The following ALK variants were observed in gnomAD, a reference collection of about 807,000 sequenced individuals.
ALK encodes ALK receptor tyrosine kinase, also known as ALK tyrosine kinase receptor.
In ALK, 74 loss-of-function variants were observed where a neutral mutation model predicts 163.1. The observed-to-expected ratio is 0.45, with a 90% CI of 0.38 to 0.55. ALK has a LOEUF of 0.55. ALK is among the 20% of genes least tolerant of loss of function. ALK has a pLI of 0.00. For missense variants in ALK, 2,063 were observed against 2,105.3 expected (o/e 0.98, Z 0.39); for synonymous variants, 960 against 843.2 (o/e 1.14, Z -2.40).
At chr2:29,259,137 C>A (rs1288460984) in intron 11 of ALK, among the ~76,000 whole-genome samples, 4 of 152,128 alleles carry the variant, frequency 2.6e-5, no homozygotes, top group African/African-American at 9.7e-5. Context: ...CTCTCAGAAA[C>A]ACATGTGATA....
intron 1 of ALK, among the ~76,000 whole-genome samples, chr2:29,738,349 T>G (rs543775275): frequency 6.6e-6 from 1 of 152,198 alleles, no homozygotes; most frequent in South Asian, 2.1e-4. Flanking sequence ...TGCAGAAGAA[T>G]CATGCTCATG....
chr2:29,318,570 T>C (rs1666904231), intron 7 of ALK, among the ~76,000 whole-genome samples, 166 bp from the exon 8 acceptor site: 1 of 102,842 alleles, frequency 9.7e-6, no homozygotes, highest in Admixed American at 9.3e-5. Context: ...CAACAATTTC[T>C]TTTTTTTTTT....
intron 5 of ALK, among the ~76,000 whole-genome samples, chr2:29,361,725 T>C (rs925963693): frequency 1.3e-5 from 2 of 152,180 alleles, no homozygotes; most frequent in African/African-American, 4.8e-5. Flanking sequence ...CTCCCAGGAC[T>C]TCTGCTTTGG....
At chr2:29,727,087 C>T (rs1679596078) in intron 1 of ALK, among the ~76,000 whole-genome samples, 2 of 152,194 alleles carry the variant, frequency 1.3e-5, no homozygotes, top group South Asian at 2.1e-4. Flanking sequence ...TTTGGGTCAA[C>T]CAGGAAGTCG....
intron 1 of ALK, among the ~76,000 whole-genome samples, chr2:29,902,171 T>C (rs531604459): frequency 1.3e-5 from 2 of 152,092 alleles, no homozygotes; most frequent in Admixed American, 1.3e-4. Flanking sequence ...CTGCTTGGAG[T>C]TGGGCTATCA....
intron 11 of ALK, among the ~76,000 whole-genome samples, chr2:29,274,689 G>A (rs917831529): frequency 6.6e-6 from 1 of 152,202 alleles, no homozygotes; most frequent in African/African-American, 2.4e-5. Flanking sequence ...ACCCATGATG[G>A]GGTAGCCTAC....
intron 3 of ALK, among the ~76,000 whole-genome samples, chr2:29,569,279 T>C (rs1674285481): frequency 7.8e-6 from 1 of 128,928 alleles, no homozygotes; most frequent in African/African-American, 2.9e-5. Context: ...CTTTCTATAA[T>C]TACAGCAACA....
intron 5 of ALK, among the ~76,000 whole-genome samples, chr2:29,335,420 T>C (rs1042132287): frequency 6.6e-6 from 1 of 152,220 alleles, no homozygotes; most frequent in South Asian, 2.1e-4. Context: ...GTTAGTAATA[T>C]GCTCATTTGA....
At chr2:29,712,815 C>T (rs1477167730) in intron 2 of ALK, among the ~76,000 whole-genome samples, 1 of 152,182 alleles carries the variant, frequency 6.6e-6, no homozygotes, top group African/African-American at 2.4e-5. Flanking sequence ...TTGAATAAAA[C>T]TTTTATTCAA....
intron 4 of ALK, among the ~76,000 whole-genome samples, chr2:29,507,266 T>C (rs574560105): frequency 3.7e-4 from 56 of 152,318 alleles, no homozygotes; most frequent in African/African-American, 1.3e-3. Flanking sequence ...AAGTGAAATG[T>C]CAATCACAAA....
intron 11 of ALK, among the ~76,000 whole-genome samples, chr2:29,267,731 A>T (rs911488450): frequency 6.6e-5 from 10 of 152,062 alleles, no homozygotes; most frequent in Non-Finnish European, 7.4e-5. Flanking sequence ...CGGATGAATT[A>T]AAAAAAATGT....
At chr2:29,765,799 C>G (rs979843914) in intron 1 of ALK, among the ~76,000 whole-genome samples, 1 of 152,034 alleles carries the variant, frequency 6.6e-6, no homozygotes, top group Non-Finnish European at 1.5e-5. Flanking sequence ...TTAACAAGCT[C>G]TCTGTTTTTT....
intron 3 of ALK, among the ~76,000 whole-genome samples, chr2:29,595,496 A>G (rs563042013): frequency 6.6e-6 from 1 of 151,840 alleles, no homozygotes; most frequent in East Asian, 1.9e-4. Context: ...AATTTTTTGT[A>G]TTTTTAGTAT....
intron 1 of ALK, among the ~76,000 whole-genome samples, chr2:29,892,859 G>A (rs933607992): frequency 6.6e-6 from 1 of 152,162 alleles, no homozygotes; most frequent in Non-Finnish European, 1.5e-5. Flanking sequence ...AGAATGACTT[G>A]TGGATACTCA....
chr2:29,549,129 T>C (rs1673646819), intron 3 of ALK, among the ~76,000 whole-genome samples: 1 of 128,360 alleles, frequency 7.8e-6, no homozygotes, highest in Non-Finnish European at 1.7e-5. Flanking sequence ...TGGCTGCTGA[T>C]CTACAGGTAC....
intron 3 of ALK, among the ~76,000 whole-genome samples, chr2:29,534,655 A>C: frequency 6.6e-6 from 1 of 152,202 alleles, no homozygotes; most frequent in East Asian, 1.9e-4. Flanking sequence ...AAGTATCTCC[A>C]TTCTTCTCAG....
At chr2:29,915,364 C>A (rs529956424) in intron 1 of ALK, among the ~76,000 whole-genome samples, 1 of 152,168 alleles carries the variant, frequency 6.6e-6, no homozygotes, top group Non-Finnish European at 1.5e-5. Flanking sequence ...GGAACTAAGG[C>A]GCATGCCACA....
In ALK at chr2:29,841,699, A is replaced by G. The variant is rs1310190647; in HGVS notation, c.667+78294T>C. Among the ~76,000 whole-genome samples the G allele has an allele frequency of 3.9e-5, 6 of 152,308 alleles. No homozygotes were observed. The East Asian group carries it at 1.2e-3, about 29-fold the overall frequency. On this transcript the variant is annotated intron_variant, in intron 1 of 28. Transcript: ENST00000389048. ...CTGAAACACAAAGGGGAGTGAAGAA[A>G]TCTGTTTGCCAAATTGAAACGGGCA...
Position 29,296,945 on chromosome 2 carries a change from T to A in ALK, c.1760A>T (p.Tyr587Phe), listed in dbSNP as rs1338200771. 6.2e-7 allele frequency: 1 copy of A among 1,614,174 alleles called. No individual in the cohort carries two copies. Among genetic ancestry groups the A allele is most frequent in the South Asian group, 1.1e-5 (1 of 91,076 alleles). Reference sequence around the variant, plus strand: ...CCACTGCCACAGGCTCAAGCCTTCATAGGCGGCGACATGCCAGACCATCCT... The same window carrying A: ...CCACTGCCACAGGCTCAAGCCTTCAAAGGCGGCGACATGCCAGACCATCCT... ...QGRMVWHVAA[Y>F]EGLSLWQWMV... Residue 587 changes from tyrosine (Y) to phenylalanine (F), a missense_variant, in exon 9 of 29, where the codon TAT becomes TTT. Tyr to Phe is a conservative substitution (Grantham distance 22, BLOSUM62 3). Coordinates refer to ENST00000389048, the MANE Select transcript of ALK (RefSeq NM_004304.5).
Sources: allele counts gnomAD v4.1 joint callset (sites outside exome capture counted in the v4.1 genomes callset), GRCh38; gene constraint gnomAD v4.1.1; transcripts MANE v1.5; gene names NCBI Gene and HGNC (gene_info 2026-07-23, HGNC 2026-07-21).